ADPGK: variants seen among roughly 807,000 people sequenced by gnomAD.
ADPGK encodes the protein ADP dependent glucokinase, also known as ADP-dependent glucokinase.
In ADPGK, 26 loss-of-function variants were observed where a neutral mutation model predicts 42.4. That is an observed-to-expected ratio of 0.61 (90% CI 0.45 to 0.85). The LOEUF (loss-of-function observed/expected upper bound fraction) is 0.85. Among genes scored for constraint, ADPGK ranks in the 40% least tolerant of loss-of-function variants. ADPGK has a pLI of 0.00. For synonymous variants in ADPGK, 267 were observed against 252.6 expected, an observed-to-expected ratio of 1.06 and a Z score of -0.54; for missense variants, 571 against 627.0, an observed-to-expected ratio of 0.91 and a Z score of 0.95.
At chr15:72,767,339 T>C (rs777252460) in intron 3 of ADPGK, among the ~76,000 whole-genome samples, 1 of 150,020 alleles carries the variant, frequency 6.7e-6, no homozygotes. Context: ...AAATTACAGT[T>C]GGAGACGTCA....
rs559529594 is a variant in ADPGK, at chr15:72,782,268, C to G, written c.233+1191G>C. Among the ~76,000 whole-genome samples the G allele has an allele frequency of 7.8e-3, 1,183 of 152,230 alleles. 11 individuals are homozygous for G. Among genetic ancestry groups the G allele is most frequent in the Non-Finnish European group, 0.011 (748 of 68,012 alleles). ...AAGGAAGGACAATTTAATCCCAGCA[C>G]TTTGGGAGGCCAAGATGGGAGGCTG... On this transcript the variant is annotated intron_variant, in intron 1 of 6. Coordinates refer to ENST00000456471, the MANE Select transcript of ADPGK (RefSeq NM_001365225.1).
intron 4 of ADPGK, chr15:72,757,136 G>C (rs2066125411): frequency 6.6e-6 from 1 of 152,032 alleles, no homozygotes; most frequent in Non-Finnish European, 1.5e-5. Flanking sequence ...CTCCTTTCTG[G>C]GGCCACCACT....
intron 3 of ADPGK, among the ~76,000 whole-genome samples, chr15:72,767,553 G>C (rs1353214744): frequency 6.6e-6 from 1 of 152,074 alleles, no homozygotes; most frequent in Non-Finnish European, 1.5e-5. Flanking sequence ...TCTGCACCAT[G>C]AAAAAGGTCT....
At chr15:72,754,563 T>C (rs889355397) in intron 6 of ADPGK, among the ~76,000 whole-genome samples, 1 of 152,192 alleles carries the variant, frequency 6.6e-6, no homozygotes, top group African/African-American at 2.4e-5. Flanking sequence ...TATGGACTTG[T>C]TCACAGGCAA....
intron 1 of ADPGK, among the ~76,000 whole-genome samples, chr15:72,782,567 T>G (rs1322878847): frequency 7.3e-6 from 1 of 136,422 alleles, no homozygotes; most frequent in Non-Finnish European, 1.6e-5. Flanking sequence ...TTATAGCTAA[T>G]ATCGAATGCT....
At chr15:72,753,904 C>T (rs182346623) in intron 6 of ADPGK, among the ~76,000 whole-genome samples, 1 of 152,194 alleles carries the variant, frequency 6.6e-6, no homozygotes, top group East Asian at 1.9e-4. Flanking sequence ...CAAGTGTAAA[C>T]TATGGACTTT....
intron 1 of ADPGK, among the ~76,000 whole-genome samples, chr15:72,780,513 T>A (rs1265143357): frequency 6.6e-6 from 1 of 152,214 alleles, no homozygotes; most frequent in Admixed American, 6.5e-5. Context: ...TATTTAATAC[T>A]GGGCTGGGTG....
chr15:72,752,771 A>G lies in ADPGK; in HGVS notation c.1064T>C (p.Val355Ala). Residue 355 changes from valine to alanine, a missense_variant, in exon 7 of 7, where the codon GTC becomes GCC. This residue lies in a region of ADPGK where 434 missense variants were observed against 522.7 expected (regional missense o/e 0.83). Transcript: ENST00000456471. ...SWNGVPDVGM[V>A]SDILFWILKE... ...CAAGATCCAGAAGAGGATGTCACTG[A>G]CCATGCCCACATCAGGAACACCGTT... 6.2e-7 allele frequency: 1 copy of G among 1,614,218 alleles called. No homozygotes were observed.
At chr15:72,782,147 C>A (rs1033128396) in intron 1 of ADPGK, among the ~76,000 whole-genome samples, 3 of 152,186 alleles carry the variant, frequency 2.0e-5, no homozygotes, top group African/African-American at 7.2e-5. Context: ...GAGACAGGGG[C>A]CTTGCTTCAC....
intron 3 of ADPGK, among the ~76,000 whole-genome samples, chr15:72,769,334 T>C (rs1286859853): frequency 6.6e-6 from 1 of 152,218 alleles, no homozygotes; most frequent in Non-Finnish European, 1.5e-5. Context: ...TTCCTAATTC[T>C]TGCCTAATTC....
intron 3 of ADPGK, among the ~76,000 whole-genome samples, chr15:72,762,981 A>G (rs745379108): frequency 2.0e-5 from 3 of 152,152 alleles, no homozygotes; most frequent in Non-Finnish European, 4.4e-5. Context: ...TCTCCAAAAA[A>G]AAGGAAACAG....
chr15:72,758,880 G>GCT lies in ADPGK; in HGVS notation c.643+1525_643+1526dup, dbSNP rs1244420755. Among the ~76,000 whole-genome samples the GCT allele has an allele frequency of 2.0e-5, 3 of 152,138 alleles. No individual in the cohort carries two copies. The East Asian group carries it at 5.8e-4, about 29-fold the overall frequency. The stretch of plus-strand genomic sequence containing the variant: ...AACTCATGGCAGCAATACCTCAGGG[G>GCT]CTCATCTTTAGCAATTCCAGACCCT... On this transcript the variant is annotated intron_variant, in intron 4 of 6. Transcript: ENST00000456471.
chr15:72,779,396 G>A (rs1431256462), intron 1 of ADPGK, among the ~76,000 whole-genome samples: 1 of 151,920 alleles, frequency 6.6e-6, no homozygotes, highest in Non-Finnish European at 1.5e-5. Flanking sequence ...TTACAGAAAT[G>A]CATCACCACG....
rs571731204 is a variant in ADPGK, at chr15:72,762,160, G to T, written c.523-1633C>A. The stretch of plus-strand genomic sequence containing the variant: ...GCTGGGATTACAGGCATGAGCCACC[G>T]CGCCTGGCCTAATTTTTTATTTTTA... On this transcript the variant is annotated intron_variant, in intron 3 of 6. Coordinates refer to ENST00000456471, the MANE Select transcript of ADPGK (RefSeq NM_001365225.1). Among the ~76,000 whole-genome samples the T allele has an allele frequency of 1.5e-3, 231 of 151,976 alleles. 1 individual carries two copies. The highest frequency in any genetic ancestry group is 5.3e-3 in the African/African-American group (220 of 41,452).
At chr15:72,758,049 G>A (rs562245802) in intron 4 of ADPGK, 2 of 1,601,744 alleles carry the variant, frequency 1.2e-6, no homozygotes, top group South Asian at 1.1e-5. Flanking sequence ...GTGAAATTCT[G>A]TAACAGTGCC....
intron 5 of ADPGK, chr15:72,756,024 G>C (rs576914587): frequency 1.4e-6 from 1 of 692,086 alleles, no homozygotes; most frequent in Admixed American, 2.0e-5. Context: ...AGGATGCAGA[G>C]GCTCAGGCAA....
intron 4 of ADPGK, among the ~76,000 whole-genome samples, chr15:72,759,693 T>A (rs566684312): frequency 6.6e-6 from 1 of 150,818 alleles, no homozygotes; most frequent in East Asian, 1.9e-4. Context: ...ATTAACAATG[T>A]GTTGAATCAG....
chr15:72,755,457 G>A (rs919485551), intron 6 of ADPGK, 99 bp downstream of exon 6: 2 of 837,062 alleles, frequency 2.4e-6, no homozygotes, highest in Non-Finnish European at 3.8e-6. Context: ...ATGTCAGTGA[G>A]CCAGTCCCTG....
At chr15:72,774,395 A>G (rs2066364654) in intron 2 of ADPGK, among the ~76,000 whole-genome samples, 1 of 152,168 alleles carries the variant, frequency 6.6e-6, no homozygotes, top group Admixed American at 6.5e-5. Context: ...AGGTAGGAAG[A>G]GCCATGGTTG....
Sources: allele counts gnomAD v4.1 joint callset (sites outside exome capture counted in the v4.1 genomes callset), GRCh38; gene constraint gnomAD v4.1.1; regional missense constraint gnomAD v4.1.1; transcripts MANE v1.5; gene names NCBI Gene and HGNC (gene_info 2026-07-23, HGNC 2026-07-21).